The following TANC1 variants were observed in gnomAD, a reference collection of about 807,000 sequenced individuals.
TANC1 encodes the protein tetratricopeptide repeat, ankyrin repeat and coiled-coil containing 1, also known as protein TANC1.
TANC1 carries 77 observed loss-of-function variants against 149.7 expected under a neutral mutation model. The ratio of observed to expected loss-of-function variants is 0.51; its 90% CI spans 0.43 to 0.62. The LOEUF (loss-of-function observed/expected upper bound fraction) is 0.62, where lower values mean the gene tolerates loss of function less well. TANC1 is among the 20% of genes least tolerant of loss of function. TANC1 has a pLI of 0.00. For missense variants in TANC1, 1,985 were observed against 2,321.8 expected (o/e 0.85, Z 2.98); for synonymous variants, 854 against 925.0 (o/e 0.92, Z 1.39).
chr2:159,035,290 C>T (rs1478824181), intron 2 of TANC1, among the ~76,000 whole-genome samples: 4 of 152,114 alleles, frequency 2.6e-5, no homozygotes, highest in Admixed American at 1.3e-4. Context: ...TTCAGCTAGT[C>T]TCTAACCTCC....
At chr2:159,158,776 C>T (rs769468732) in intron 7 of TANC1, among the ~76,000 whole-genome samples, 2 of 152,148 alleles carry the variant, frequency 1.3e-5, no homozygotes, top group Non-Finnish European at 2.9e-5. Flanking sequence ...AGAGAAAACA[C>T]ATGTGGAAGG....
chr2:159,221,332 G>C (rs1033362605), intron 22 of TANC1, among the ~76,000 whole-genome samples: 2 of 152,158 alleles, frequency 1.3e-5, no homozygotes, highest in African/African-American at 4.8e-5. Flanking sequence ...AGTGAGCCAA[G>C]ATCATACCAT....
intron 2 of TANC1, among the ~76,000 whole-genome samples, chr2:159,009,335 G>T (rs1042658942): frequency 6.6e-6 from 1 of 152,218 alleles, no homozygotes; most frequent in East Asian, 1.9e-4. Context: ...AGCCCTGTTC[G>T]CAGTAGTCAA....
intron 19 of TANC1, among the ~76,000 whole-genome samples, chr2:159,208,858 C>T (rs894211212): frequency 2.0e-5 from 3 of 152,256 alleles, no homozygotes; most frequent in African/African-American, 7.2e-5. Flanking sequence ...AGTGTACTTA[C>T]ACAAGCCTGG....
At chr2:159,079,130 CAGA>C (rs1342497325) in intron 3 of TANC1, among the ~76,000 whole-genome samples, 1 of 151,958 alleles carries the variant, frequency 6.6e-6, no homozygotes, top group Non-Finnish European at 1.5e-5. Context: ...TATTAGAAAC[CAGA>C]AGGTGAATCT....
At chr2:159,222,825 C>T (rs1328170784) in intron 22 of TANC1, among the ~76,000 whole-genome samples, 8 of 152,044 alleles carry the variant, frequency 5.3e-5, no homozygotes, top group African/African-American at 1.9e-4. Flanking sequence ...ACTTTTTTTC[C>T]ACAGTTGCTG....
chr2:159,031,137 C>T (rs1240157839), intron 2 of TANC1, among the ~76,000 whole-genome samples: 1 of 152,148 alleles, frequency 6.6e-6, no homozygotes, highest in Non-Finnish European at 1.5e-5. Flanking sequence ...GTGATTTAGG[C>T]CTGTGGAATG....
intron 4 of TANC1, among the ~76,000 whole-genome samples, chr2:159,112,820 A>G (rs558106672): frequency 4.7e-4 from 72 of 151,950 alleles, no homozygotes; most frequent in African/African-American, 1.5e-3. Context: ...GCCTCAAGCT[A>G]TCCCCCAGCC....
chr2:158,992,669 A>ATTTTTTTTTTT (rs70994251), intron 1 of TANC1, among the ~76,000 whole-genome samples: 240 of 112,386 alleles, frequency 2.1e-3, no homozygotes, highest in Non-Finnish European at 3.0e-3. Context: ...TGCCCAGCTA[A>ATTTTTTTTTTT]TTTTTTTTTT....
chr2:158,977,558 G>A (rs567664595), intron 1 of TANC1, among the ~76,000 whole-genome samples: 109 of 151,598 alleles, frequency 7.2e-4, no homozygotes, highest in African/African-American at 2.4e-3. Flanking sequence ...TGATCTGCCC[G>A]CCTCGGCCTC....
chr2:159,136,077 A>C, intron 4 of TANC1, 117 bp from the exon 5 acceptor site: 4 of 572,488 alleles, frequency 7.0e-6, no homozygotes, highest in Non-Finnish European at 6.4e-6. Context: ...AGGGAGGGGA[A>C]GGCACTGGCT....
At chr2:159,173,607 AAAAAT>A (rs961299737) in intron 11 of TANC1, among the ~76,000 whole-genome samples, 1 of 152,198 alleles carries the variant, frequency 6.6e-6, no homozygotes, top group African/African-American at 2.4e-5. Context: ...TTCATCTCAA[AAAAAT>A]AAAATAAATA....
intron 1 of TANC1, among the ~76,000 whole-genome samples, chr2:158,975,593 G>T (rs1326946279): frequency 2.0e-5 from 3 of 149,636 alleles, no homozygotes; most frequent in East Asian, 3.9e-4. Context: ...TTTTGTCGGT[G>T]TCAGGGGTGT....
chr2:159,034,375 G>A (rs1392144133), intron 2 of TANC1, among the ~76,000 whole-genome samples: 4 of 152,196 alleles, frequency 2.6e-5, no homozygotes, highest in Non-Finnish European at 5.9e-5. Context: ...CCCATCAGGA[G>A]GACAAAAGAA....
chr2:159,116,962 T>C (rs943193797), intron 4 of TANC1, among the ~76,000 whole-genome samples: 3 of 152,214 alleles, frequency 2.0e-5, no homozygotes, highest in Admixed American at 2.0e-4. Context: ...CCTGGGTCAT[T>C]TTCACTTTAC....
rs1202557785 is a variant in TANC1 at position 159,194,450 on chromosome 2, G to C, written c.2936G>C (p.Gly979Ala). Residue 979 changes from glycine (G) to alanine (A), a missense_variant, in exon 17 of 27, where the codon GGC becomes GCC. Transcript: ENST00000263635. The part of the protein sequence containing the change: ...MTALCYAAAA[G>A]HMKLVCLLTK... ...GCCCTCTGTTACGCAGCAGCTGCTGGCCACATGAAGCTGGTGTGTCTGCTG... is the reference window on the plus strand; with the variant it reads ...GCCCTCTGTTACGCAGCAGCTGCTGCCCACATGAAGCTGGTGTGTCTGCTG... The C allele has an allele frequency of 6.2e-7, 1 of 1,614,280 alleles. No individual in the cohort carries two copies. Among genetic ancestry groups the C allele is most frequent in the South Asian group, 1.1e-5 (1 of 91,092 alleles).
At chr2:158,982,766 CCTGA>C (rs1212358437) in intron 1 of TANC1, among the ~76,000 whole-genome samples, 3 of 152,128 alleles carry the variant, frequency 2.0e-5, no homozygotes, top group Non-Finnish European at 2.9e-5. Flanking sequence ...CACCATCATG[CCTGA>C]CTAATTTTTT....
chr2:159,072,260 G>A (rs149856777), intron 3 of TANC1, among the ~76,000 whole-genome samples: 16 of 152,226 alleles, frequency 1.1e-4, no homozygotes, highest in African/African-American at 3.6e-4. Flanking sequence ...GGGATTACAG[G>A]CGTGAGCCAC....
chr2:159,051,823 T>TA (rs2041497385), intron 2 of TANC1, among the ~76,000 whole-genome samples: 1 of 152,154 alleles, frequency 6.6e-6, no homozygotes, highest in Admixed American at 6.5e-5. Flanking sequence ...GAGCCAGACT[T>TA]AGGTTATTTT....
Sources: allele counts gnomAD v4.1 joint callset (sites outside exome capture counted in the v4.1 genomes callset), GRCh38; gene constraint gnomAD v4.1.1; transcripts MANE v1.5; gene names NCBI Gene and HGNC (gene_info 2026-07-23, HGNC 2026-07-21).